PXK: variants seen among roughly 807,000 people sequenced by gnomAD.
PXK encodes PX domain-containing protein kinase-like protein.
In PXK, 35 loss-of-function variants were observed where a neutral mutation model predicts 84.7. That is an observed-to-expected ratio of 0.41 (90% CI 0.32 to 0.55). PXK has a LOEUF of 0.55. Ranked by LOEUF, PXK falls within the 20% of genes least tolerant of loss-of-function variation. The pLI is 0.21. For missense variants in PXK, 634 were observed against 699.7 expected, an observed-to-expected ratio of 0.91 and a Z score of 1.06; for synonymous variants, 253 against 260.8, an observed-to-expected ratio of 0.97 and a Z score of 0.29.
At chr3:58,338,115 G>T (rs1228294726) in intron 1 of PXK, among the ~76,000 whole-genome samples, 1 of 152,028 alleles carries the variant, frequency 6.6e-6, no homozygotes, top group Non-Finnish European at 1.5e-5. Context: ...GCCGAGGCAG[G>T]CAGATCATCT....
rs113110964 is a variant in PXK at position 58,377,129 on chromosome 3, G to C, written c.202-5385G>C. ...TGAAATTTGATTCTTATTTGGAAAT[G>C]AATTATGCTGTGATAGAAAATTTAC... is the stretch of plus-strand genomic sequence containing the variant. On this transcript the variant is annotated intron_variant, in intron 3 of 17. Coordinates refer to ENST00000356151, the MANE Select transcript of PXK (RefSeq NM_017771.5). Among the ~76,000 whole-genome samples, 1,519 of 152,318 alleles carry C rather than the reference G, an allele frequency of 1.0e-2. 32 individuals carry two copies. Among genetic ancestry groups the C allele is most frequent in the African/African-American group, 0.034 (1,434 of 41,572 alleles).
intron 1 of PXK, among the ~76,000 whole-genome samples, chr3:58,362,021 T>C (rs561880539): frequency 6.6e-6 from 1 of 152,352 alleles, no homozygotes; most frequent in South Asian, 2.1e-4. Context: ...ATTACTGTTT[T>C]TTATTTAAGC....
In PXK at chr3:58,407,503, C is replaced by CT. The variant is rs150016085; in HGVS notation, c.1231-1417dup. On this transcript the variant is annotated intron_variant, in intron 13 of 17. Coordinates refer to ENST00000356151, the MANE Select transcript of PXK (RefSeq NM_017771.5). This position sits in a 1 kb window ranked among gnomAD's most constrained non-coding sequence, Gnocchi z 4.3. ...TATTGTGTCCCATTTCTTGAGTTGT[C>CT]TTTTACTCCGTTTTTCTTTGTTGCA... Among the ~76,000 whole-genome samples, 44,970 of 151,690 alleles carry CT rather than the reference C, an allele frequency of 0.3. 7,425 individuals are homozygous for CT. Among genetic ancestry groups the CT allele is most frequent in the Middle Eastern group, 0.39 (116 of 294 alleles).
rs75897712 is a variant in PXK, at chr3:58,375,477, T to C, written c.201+5999T>C. ...CTCCCAGACATTTTTTCTGTGCCTG[T>C]GTAACCATATCCCGGGCTAAGACAG... On this transcript the variant is annotated intron_variant, in intron 3 of 17. Transcript: ENST00000356151. 4.5e-3 allele frequency among the ~76,000 whole-genome samples: 682 copies of C among 152,316 alleles called. 3 individuals carry two copies. Among genetic ancestry groups the C allele is most frequent in the African/African-American group, 0.016 (654 of 41,576 alleles).
In PXK at chr3:58,423,548, A is replaced by C. The variant is rs139086117; in HGVS notation, c.1529-1204A>C. Reference sequence around the variant, plus strand: ...ACCCATACCTGTCACACTTGGTGAAAAGGATGTACTTACCTGAGTATTGTG... The same window carrying C: ...ACCCATACCTGTCACACTTGGTGAACAGGATGTACTTACCTGAGTATTGTG... On this transcript the variant is annotated intron_variant, in intron 17 of 17. Coordinates refer to ENST00000356151, the MANE Select transcript of PXK (RefSeq NM_017771.5). 34 of 1,533,072 alleles carry C rather than the reference A, an allele frequency of 2.2e-5. No individual in the cohort carries two copies. The East Asian group carries it at 8.1e-4, about 36-fold the overall frequency. 95.0% of individuals were successfully genotyped at this position (1,533,072 alleles called of 1,614,324 possible).
At chr3:58,356,705 G>C (rs1276016609) in intron 1 of PXK, among the ~76,000 whole-genome samples, 1 of 151,728 alleles carries the variant, frequency 6.6e-6, no homozygotes, top group East Asian at 2.0e-4. Flanking sequence ...CTGGGTTCAA[G>C]TGATCCTCCT....
chr3:58,333,417 TA>T lies in PXK; in HGVS notation c.102+328del, dbSNP rs954475667. 1.5e-4 allele frequency: 50 copies of T among 329,464 alleles called. No individual in the cohort carries two copies. Among genetic ancestry groups the T allele is most frequent in the African/African-American group, 9.7e-4 (46 of 47,334 alleles). 20.4% of individuals were successfully genotyped at this position (329,464 alleles called of 1,614,324 possible). On this transcript the variant is annotated intron_variant, in intron 1 of 17. Transcript: ENST00000356151. The surrounding 1 kb of genome is among the most constrained non-coding windows in gnomAD (Gnocchi z 5.4). ...CGGGATTCCCGGGCTCACCTTGGAC[TA>T]GGGGAGCAGGAACGAGACCGCTCAG...
chr3:58,408,070 A>G (rs1467659066), intron 13 of PXK, among the ~76,000 whole-genome samples: 1 of 152,140 alleles, frequency 6.6e-6, no homozygotes. Context: ...TAAGGGTCCA[A>G]CTTCACTCTT....
intron 4 of PXK, among the ~76,000 whole-genome samples, chr3:58,386,880 G>T (rs1420303266): frequency 6.6e-6 from 1 of 152,180 alleles, no homozygotes; most frequent in Non-Finnish European, 1.5e-5. Flanking sequence ...TAAAGCCCCA[G>T]GAATCCCTTG....
intron 4 of PXK, among the ~76,000 whole-genome samples, chr3:58,386,289 A>ATTT (rs2098549912): frequency 4.6e-5 from 2 of 43,466 alleles, no homozygotes; most frequent in Non-Finnish European, 1.0e-4. Context: ...TATCCCCCTT[A>ATTT]CTTTTTTTTT....
intron 1 of PXK, among the ~76,000 whole-genome samples, chr3:58,341,852 C>T (rs1014064962): frequency 4.0e-5 from 6 of 151,868 alleles, no homozygotes; most frequent in Admixed American, 6.6e-5. Flanking sequence ...TACAGGCACC[C>T]GCTACCACGC....
At chr3:58,372,416 G>A (rs111320091) in intron 3 of PXK, among the ~76,000 whole-genome samples, 3,237 of 151,872 alleles carry the variant, frequency 0.021, 126 homozygotes, top group African/African-American at 0.074. Flanking sequence ...TCCGCCTCCC[G>A]GGTTCACCTC....
At chr3:58,371,894 A>T (rs2098377904) in intron 3 of PXK, among the ~76,000 whole-genome samples, 1 of 152,224 alleles carries the variant, frequency 6.6e-6, no homozygotes, top group Non-Finnish European at 1.5e-5. Context: ...GCTTTTTGGC[A>T]GTGAAATAAT....
At position 58,397,727 on chromosome 3, in the gene PXK, G is replaced by A. The variant is rs751484724; in HGVS notation, c.1102+5G>A. The stretch of plus-strand genomic sequence containing the variant: ...CTGCCCCGTCCATGGCTGTGGGTCA[G>A]TATGGGGTTGGGAAGGGTCTTCTGG... On this transcript the variant is annotated splice_donor_5th_base_variant and intron_variant, in intron 11 of 17. Coordinates refer to ENST00000356151, the MANE Select transcript of PXK (RefSeq NM_017771.5). The surrounding 1 kb of genome is among the most constrained non-coding windows in gnomAD (Gnocchi z 4.7). 6.2e-7 allele frequency: 1 copy of A among 1,607,984 alleles called. No individual in the cohort carries two copies. Among genetic ancestry groups the A allele is most frequent in the Non-Finnish European group, 8.5e-7 (1 of 1,174,498 alleles).
At chr3:58,422,393 A>G (rs1356930885) in intron 17 of PXK, 2 of 985,260 alleles carry the variant, frequency 2.0e-6, no homozygotes, top group Middle Eastern at 5.2e-4. Flanking sequence ...TGGGACATCA[A>G]GCCCCACCGG....
intron 3 of PXK, among the ~76,000 whole-genome samples, chr3:58,381,981 T>G (rs2098507686): frequency 6.6e-6 from 1 of 152,152 alleles, no homozygotes; most frequent in Non-Finnish European, 1.5e-5. Flanking sequence ...TTATGTAACT[T>G]TAGTAAAAAT....
chr3:58,409,762 A>G lies in PXK; in HGVS notation c.1395+144A>G, dbSNP rs1183084100. The G allele has an allele frequency of 3.5e-6, 2 of 579,544 alleles. No individual in the cohort carries two copies. The highest frequency in any genetic ancestry group is 3.2e-5 in the East Asian group (1 of 31,510). The allele number at this position is 579,544 out of a possible 1,614,324, so 35.9% of individuals were successfully genotyped here. On this transcript the variant is annotated intron_variant, in intron 15 of 17. Coordinates refer to ENST00000356151, the MANE Select transcript of PXK (RefSeq NM_017771.5). This position sits in a 1 kb window ranked among gnomAD's most constrained non-coding sequence, Gnocchi z 4.2. ...GACTATTTCCAGATGACTGGGGTGCAGTTTTTTTGGGGAAAAAAAAAGAGT... is the reference window on the plus strand; with the variant it reads ...GACTATTTCCAGATGACTGGGGTGCGGTTTTTTTGGGGAAAAAAAAAGAGT...
intron 17 of PXK, chr3:58,423,442 T>G (rs2062258537): frequency 6.6e-7 from 1 of 1,526,180 alleles, no homozygotes; most frequent in African/African-American, 1.4e-5. Flanking sequence ...TGTGTATTTG[T>G]GTGATTCTTT....
intron 4 of PXK, among the ~76,000 whole-genome samples, chr3:58,387,385 T>G (rs1207403421): frequency 6.6e-6 from 1 of 152,212 alleles, no homozygotes; most frequent in Non-Finnish European, 1.5e-5. Flanking sequence ...TTATTGAGCA[T>G]CTACTGTGTG....
Sources: gnomAD v4.1 joint callset for allele counts (sites outside exome capture counted in the v4.1 genomes callset) on GRCh38, gnomAD v4.1.1 for gene constraint, Gnocchi (gnomAD v3.1) non-coding constraint, MANE v1.5 for transcripts, NCBI Gene and HGNC (gene_info 2026-07-23, HGNC 2026-07-21) for gene names.